FBXL17: variants seen among roughly 807,000 people sequenced by gnomAD.
FBXL17 encodes F-box/LRR-repeat protein 17.
A neutral mutation model predicts 66.2 loss-of-function variants in FBXL17; 22 were observed. The observed-to-expected ratio is 0.33, with a 90% CI of 0.24 to 0.47. The LOEUF is 0.47. Among genes scored for constraint, FBXL17 ranks in the 20% least tolerant of loss-of-function variants. The probability of loss-of-function intolerance (pLI) is 1.00; values close to 1 mark genes in which losing one functional copy is unlikely to be tolerated. For synonymous variants in FBXL17, 474 were observed against 400.5 expected, an observed-to-expected ratio of 1.18 and a Z score of -2.19; for missense variants, 878 against 948.2, an observed-to-expected ratio of 0.93 and a Z score of 0.97.
At chr5:107,869,495 T>C (rs1447172900) in intron 8 of FBXL17, among the ~76,000 whole-genome samples, 3 of 152,142 alleles carry the variant, frequency 2.0e-5, no homozygotes, top group African/African-American at 4.8e-5. Flanking sequence ...GTCATCTAAG[T>C]GCAGTTTAAA....
chr5:108,236,145 G>A (rs549659595), intron 4 of FBXL17, among the ~76,000 whole-genome samples: 1 of 152,020 alleles, frequency 6.6e-6, no homozygotes, highest in South Asian at 2.1e-4. Context: ...CAGAGGTCGA[G>A]GCTGCAGTGA....
chr5:108,150,809 T>C (rs1470093461), intron 6 of FBXL17, among the ~76,000 whole-genome samples: 1 of 152,228 alleles, frequency 6.6e-6, no homozygotes, highest in Non-Finnish European at 1.5e-5. Context: ...TTGGTGGTGA[T>C]ATCTGATCAA....
At chr5:107,974,587 G>A (rs1046607217) in intron 7 of FBXL17, among the ~76,000 whole-genome samples, 1 of 152,056 alleles carries the variant, frequency 6.6e-6, no homozygotes, top group Non-Finnish European at 1.5e-5. Flanking sequence ...TAACAGCAAT[G>A]CTCTTAAGGA....
chr5:108,172,433 A>G (rs1752641198), intron 6 of FBXL17, among the ~76,000 whole-genome samples: 1 of 152,336 alleles, frequency 6.6e-6, no homozygotes, highest in African/African-American at 2.4e-5. Flanking sequence ...CATATTGCAC[A>G]AAAGAGTGCG....
chr5:108,154,617 A>ATACACC, intron 6 of FBXL17, among the ~76,000 whole-genome samples: 1 of 49,710 alleles, frequency 2.0e-5, no homozygotes, highest in Non-Finnish European at 4.1e-5. Context: ...ATATATATAT[A>ATACACC]CACACACACA....
chr5:107,941,421 C>T (rs1290127380), intron 7 of FBXL17, among the ~76,000 whole-genome samples: 2 of 152,174 alleles, frequency 1.3e-5, no homozygotes, highest in African/African-American at 4.8e-5. Flanking sequence ...GGCTGAGTTA[C>T]ATAATGGAAG....
intron 6 of FBXL17, among the ~76,000 whole-genome samples, chr5:108,172,169 T>C (rs531985799): frequency 8.5e-5 from 13 of 152,310 alleles, no homozygotes; most frequent in Admixed American, 5.2e-4. Context: ...CTGGCTGTTG[T>C]TTAGACTTCC....
chr5:108,371,504 G>A (rs1018537324), intron 1 of FBXL17, among the ~76,000 whole-genome samples: 1 of 152,188 alleles, frequency 6.6e-6, no homozygotes, highest in Non-Finnish European at 1.5e-5. Flanking sequence ...GATTTGGCCT[G>A]TGAAGGGCTA....
chr5:107,994,703 T>C (rs992599689), intron 7 of FBXL17, among the ~76,000 whole-genome samples: 7 of 152,000 alleles, frequency 4.6e-5, no homozygotes, highest in Non-Finnish European at 7.4e-5. Flanking sequence ...CCAGGCGCGG[T>C]GGCAGGTGCC....
At chr5:108,337,272 G>C (rs1007037719) in intron 4 of FBXL17, among the ~76,000 whole-genome samples, 3 of 144,294 alleles carry the variant, frequency 2.1e-5, no homozygotes, top group Non-Finnish European at 4.6e-5. Flanking sequence ...AAAAAAAAAA[G>C]AATTTTCCCA....
intron 4 of FBXL17, among the ~76,000 whole-genome samples, chr5:108,311,330 C>T (rs1384584313): frequency 6.6e-6 from 1 of 151,954 alleles, no homozygotes; most frequent in Non-Finnish European, 1.5e-5. Flanking sequence ...TGCCACCATG[C>T]CCAGCTAATT....
chr5:108,133,846 C>G (rs1364678362), intron 6 of FBXL17, among the ~76,000 whole-genome samples: 4 of 152,032 alleles, frequency 2.6e-5, no homozygotes, highest in Non-Finnish European at 5.9e-5. Context: ...AAAAATGAGT[C>G]AAATGAGTTG....
At chr5:107,938,239 AC>A (rs1231449760) in intron 7 of FBXL17, among the ~76,000 whole-genome samples, 1 of 152,046 alleles carries the variant, frequency 6.6e-6, no homozygotes, top group African/African-American at 2.4e-5. Context: ...GCTTTAAAGA[AC>A]CCAGTGAAGT....
chr5:108,009,292 TATATATATACATATATACATAC>T (rs1754080682), intron 7 of FBXL17, among the ~76,000 whole-genome samples: 2 of 35,940 alleles, frequency 5.6e-5, no homozygotes, highest in African/African-American at 1.6e-4. Context: ...TATATATATA[TATATATATACATATATACATAC>T]ACATATAGTT....
At chr5:108,079,148 C>T (rs1748665756) in intron 6 of FBXL17, among the ~76,000 whole-genome samples, 1 of 148,230 alleles carries the variant, frequency 6.7e-6, no homozygotes, top group South Asian at 2.4e-4. Flanking sequence ...CAGGCCTAAC[C>T]TCTCTTTCTT....
chr5:108,253,844 T>G (rs1465057960), intron 4 of FBXL17, among the ~76,000 whole-genome samples: 1 of 151,924 alleles, frequency 6.6e-6, no homozygotes, highest in Admixed American at 6.6e-5. Flanking sequence ...AATATAAAAA[T>G]TAGCCAGGCA....
intron 4 of FBXL17, among the ~76,000 whole-genome samples, chr5:108,317,335 T>TG (rs1561525647): frequency 6.9e-6 from 1 of 144,624 alleles, no homozygotes; most frequent in African/African-American, 2.5e-5. Context: ...TTGTTTTTTG[T>TG]TTTTTTTTTT....
At chr5:107,977,160 G>A (rs1752611864) in intron 7 of FBXL17, among the ~76,000 whole-genome samples, 1 of 152,194 alleles carries the variant, frequency 6.6e-6, no homozygotes, top group Non-Finnish European at 1.5e-5. Context: ...CTCTTCCTGA[G>A]AGGGTTAACA....
At chr5:108,303,909 C>A (rs1215267160) in intron 4 of FBXL17, among the ~76,000 whole-genome samples, 1 of 151,806 alleles carries the variant, frequency 6.6e-6, no homozygotes, top group Non-Finnish European at 1.5e-5. Context: ...GATATAACAA[C>A]GTAACAAAAT....
Sources: allele counts gnomAD v4.1 joint callset (sites outside exome capture counted in the v4.1 genomes callset), GRCh38; gene constraint gnomAD v4.1.1; transcripts MANE v1.5; gene names NCBI Gene and HGNC (gene_info 2026-07-23, HGNC 2026-07-21).